The following CASK variants were observed in gnomAD, a reference collection of about 807,000 sequenced individuals.
CASK encodes the protein peripheral plasma membrane protein CASK.
In CASK, 4 loss-of-function variants were observed where a neutral mutation model predicts 82.9. The ratio of observed to expected loss-of-function variants is 0.05; its 90% CI spans 0.02 to 0.11. CASK has a LOEUF of 0.11. Among genes scored for constraint, CASK ranks in the 10% least tolerant of loss-of-function variants. The probability of loss-of-function intolerance (pLI) is 1.00; values close to 1 mark genes in which losing one functional copy is unlikely to be tolerated. For synonymous variants in CASK, 259 were observed against 253.5 expected (o/e 1.02, Z -0.20); for missense variants, 358 against 720.9 (o/e 0.50, Z 5.76).
chrX:41,607,402 G>T (rs2065977776), intron 12 of CASK, among the ~76,000 whole-genome samples: 1 of 112,273 alleles, frequency 8.9e-6, no homozygotes, highest in Non-Finnish European at 1.9e-5. Flanking sequence ...TCAAAAGAAG[G>T]TCAGTAAATC....
chrX:41,752,024 C>A, intron 3 of CASK, among the ~76,000 whole-genome samples: 1 of 97,007 alleles, frequency 1.0e-5, no homozygotes. Context: ...CCAGCCTGGG[C>A]AACAGAGCAA....
intron 1 of CASK, among the ~76,000 whole-genome samples, chrX:41,874,057 C>T (rs1180049632): frequency 9.0e-6 from 1 of 111,462 alleles, no homozygotes; most frequent in African/African-American, 3.3e-5. Flanking sequence ...TCCAAAATTG[C>T]TGGGATTACA....
At chrX:41,630,093 C>A (rs1305456872) in intron 9 of CASK, among the ~76,000 whole-genome samples, 2 of 111,809 alleles carry the variant, frequency 1.8e-5, no homozygotes, top group Non-Finnish European at 3.8e-5. Context: ...AAGGAGAAGG[C>A]AGATTATAAA....
chrX:41,688,076 C>T (rs1305129173), intron 5 of CASK, among the ~76,000 whole-genome samples: 1 of 108,761 alleles, frequency 9.2e-6, no homozygotes, highest in Non-Finnish European at 1.9e-5. Flanking sequence ...AATACAGCAA[C>T]CACCTTCCTT....
chrX:41,866,532 T>C (rs1462189421), intron 1 of CASK, among the ~76,000 whole-genome samples: 1 of 112,354 alleles, frequency 8.9e-6, no homozygotes, highest in Non-Finnish European at 1.9e-5. Context: ...GTCAGTTGAA[T>C]AATTTCCAGG....
chrX:41,635,838 G>A (rs774440803), intron 9 of CASK: 1 of 97,693 alleles, frequency 1.0e-5, no homozygotes, highest in Non-Finnish European at 2.0e-5. Flanking sequence ...TCAAGGTAGT[G>A]TAAGATTTTA....
At chrX:41,690,184 C>T (rs1252147172) in intron 5 of CASK, among the ~76,000 whole-genome samples, 1 of 111,157 alleles carries the variant, frequency 9.0e-6, no homozygotes, top group Non-Finnish European at 1.9e-5. Flanking sequence ...TGGTTTGTTT[C>T]TTGTCTTCAC....
chrX:41,517,999 G>A lies in CASK; in HGVS notation c.*2421C>T. Reference sequence around the variant, plus strand: ...ATGATGGCAAGAATGATGCCTGCCTGTGTGCTTCTCAGAGGACGTATAAAG... The same window carrying A: ...ATGATGGCAAGAATGATGCCTGCCTATGTGCTTCTCAGAGGACGTATAAAG... On this transcript the variant is annotated 3_prime_UTR_variant, in exon 27 of 27. Transcript: ENST00000378163. 2.5e-6 allele frequency: 1 copy of A among 393,809 alleles called. No individual in the cohort carries two copies. Among genetic ancestry groups the A allele is most frequent in the Non-Finnish European group, 4.5e-6 (1 of 222,356 alleles). The allele number at this position is 393,809 out of a possible 1,213,427, so 32.5% of individuals were successfully genotyped here. A position where few individuals can be genotyped will look rare whatever the true frequency, so the allele number is the denominator to read the frequency against.
At chrX:41,627,661 G>T (rs1438934797) in intron 9 of CASK, among the ~76,000 whole-genome samples, 1 of 112,074 alleles carries the variant, frequency 8.9e-6, no homozygotes, top group African/African-American at 3.2e-5. Flanking sequence ...TGTGGTATTT[G>T]GGAGTAAATC....
rs1208791947 is a variant in CASK at position 41,559,859 on chromosome X, G to A, written c.1669-12C>T. On this transcript the variant is annotated splice_polypyrimidine_tract_variant and intron_variant, in intron 17 of 26. Coordinates refer to ENST00000378163, the MANE Select transcript of CASK (RefSeq NM_001367721.1). ...CCCCGCATTTCCCTCTGGAGGGGGG[G>A]TGGTGGGAAAGAAAGAAAAGTTTTC... The A allele has an allele frequency of 8.3e-7, 1 of 1,197,653 alleles. No homozygotes were observed. The highest frequency in any genetic ancestry group is 1.7e-5 in the African/African-American group (1 of 57,647).
intron 1 of CASK, among the ~76,000 whole-genome samples, chrX:41,893,256 T>C (rs1006996120): frequency 7.2e-5 from 8 of 111,825 alleles, no homozygotes; most frequent in African/African-American, 2.6e-4. Context: ...CCTTGTAGCT[T>C]TGTGGACAGT....
chrX:41,874,508 T>C (rs2071774650), intron 1 of CASK, among the ~76,000 whole-genome samples: 2 of 112,293 alleles, frequency 1.8e-5, no homozygotes, highest in African/African-American at 6.5e-5. Flanking sequence ...TTGTTCCTTT[T>C]TATGGCTGCA....
intron 5 of CASK, among the ~76,000 whole-genome samples, chrX:41,722,225 C>T (rs1030401413): frequency 2.7e-5 from 3 of 112,321 alleles, no homozygotes; most frequent in East Asian, 5.5e-4. Context: ...TTTGTTTCAA[C>T]GGTTGATTGA....
chrX:41,695,343 T>C (rs2067663550), intron 5 of CASK, among the ~76,000 whole-genome samples: 1 of 101,244 alleles, frequency 9.9e-6, no homozygotes, highest in Admixed American at 1.1e-4. Flanking sequence ...AGAGATGGGG[T>C]CTTGTTCTGT....
chrX:41,770,313 T>TATCC (rs772189964), intron 3 of CASK, among the ~76,000 whole-genome samples: 5,419 of 95,705 alleles, frequency 0.057, 181 homozygotes, highest in South Asian at 0.097. Context: ...CCTACCTACC[T>TATCC]ATCCATCCAT....
intron 12 of CASK, among the ~76,000 whole-genome samples, chrX:41,607,183 T>C (rs1480253371): frequency 8.9e-6 from 1 of 112,856 alleles, no homozygotes; most frequent in Non-Finnish European, 1.9e-5. Flanking sequence ...TGACAATTTA[T>C]ACCAAACAGT....
At chrX:41,559,470 T>C in intron 18 of CASK, 1 of 284,673 alleles carries the variant, frequency 3.5e-6, no homozygotes. Context: ...AATTATGGCC[T>C]TTAGTTTTTT....
intron 5 of CASK, among the ~76,000 whole-genome samples, chrX:41,687,510 A>G (rs1009016191): frequency 8.9e-6 from 1 of 112,190 alleles, no homozygotes; most frequent in Admixed American, 9.5e-5. Flanking sequence ...GTCCAAATCA[A>G]TGAAACATAA....
Position 41,534,762 on chromosome X carries a change from T to C in CASK, c.2261A>G (p.His754Arg). 8.3e-7 allele frequency: 1 copy of C among 1,209,049 alleles called. No individual in the cohort carries two copies. The highest frequency in any genetic ancestry group is 1.1e-6 in the Non-Finnish European group (1 of 892,998). The change falls in exon 24 of 27, where the codon CAC (histidine) becomes CGC (arginine). Residue 754 changes from histidine to arginine, a missense_variant. By Grantham distance (29) the His-to-Arg change is conservative (BLOSUM62 0). This residue lies in a region of CASK where 118 missense variants were observed against 169.4 expected (regional missense o/e 0.70). Transcript: ENST00000378163. ...CTTTGTGATGAGAGTGTTTTTTATG[T>C]GTCTTCTCCCAACACCATGTGCGCC... The part of the protein sequence containing the change: ...LLGAHGVGRR[H>R]IKNTLITKHP...
Sources: allele counts gnomAD v4.1 joint callset (sites outside exome capture counted in the v4.1 genomes callset), GRCh38; gene constraint gnomAD v4.1.1; regional missense constraint gnomAD v4.1.1; transcripts MANE v1.5; gene names NCBI Gene and HGNC (gene_info 2026-07-23, HGNC 2026-07-21).